DIS3L2: variants seen among roughly 807,000 people sequenced by gnomAD.
The protein encoded by DIS3L2 is DIS3 like 3'-5' exoribonuclease 2.
A neutral mutation model predicts 97.5 loss-of-function variants in DIS3L2; 34 were observed. That is an observed-to-expected ratio of 0.35 (90% CI 0.27 to 0.46). The LOEUF (loss-of-function observed/expected upper bound fraction) is 0.46, where lower values mean the gene tolerates loss of function less well. DIS3L2 is among the 20% of genes least tolerant of loss of function. The pLI is 1.00. For missense variants in DIS3L2, 1,038 were observed against 1,146.0 expected, an observed-to-expected ratio of 0.91 and a Z score of 1.36; for synonymous variants, 435 against 445.2, an observed-to-expected ratio of 0.98 and a Z score of 0.29.
intron 9 of DIS3L2, among the ~76,000 whole-genome samples, chr2:232,172,080 A>T (rs923416486): frequency 1.3e-5 from 2 of 152,186 alleles, no homozygotes; most frequent in Non-Finnish European, 2.9e-5. Flanking sequence ...TGTGGTATAG[A>T]TGGTCTAAGA....
At chr2:232,084,098 G>T (rs1696498743) in intron 5 of DIS3L2, among the ~76,000 whole-genome samples, 1 of 152,202 alleles carries the variant, frequency 6.6e-6, no homozygotes, top group Admixed American at 6.5e-5. Flanking sequence ...GAAATTGAAT[G>T]AATTTGTTGA....
chr2:232,296,250 A>C (rs1277804091), intron 13 of DIS3L2, among the ~76,000 whole-genome samples: 1 of 152,204 alleles, frequency 6.6e-6, no homozygotes. Flanking sequence ...TCTCCAGACC[A>C]TCACCAAGTC....
intron 14 of DIS3L2, among the ~76,000 whole-genome samples, chr2:232,305,026 A>G (rs559824562): frequency 3.3e-5 from 5 of 152,276 alleles, no homozygotes; most frequent in Admixed American, 6.5e-5. Context: ...GTAGCAGTTT[A>G]CTATCGGCTG....
chr2:232,056,190 G>T (rs981219980), intron 5 of DIS3L2, among the ~76,000 whole-genome samples: 1 of 152,064 alleles, frequency 6.6e-6, no homozygotes, highest in African/African-American at 2.4e-5. Flanking sequence ...GGCCAACATG[G>T]TGAAACCCCG....
At chr2:232,198,049 A>G (rs752225184) in intron 9 of DIS3L2, among the ~76,000 whole-genome samples, 1 of 151,828 alleles carries the variant, frequency 6.6e-6, no homozygotes, top group Non-Finnish European at 1.5e-5. Flanking sequence ...ACTTGGTCTA[A>G]TTGACTTGTT....
intron 9 of DIS3L2, among the ~76,000 whole-genome samples, chr2:232,207,241 G>A (rs1692051879): frequency 1.3e-5 from 2 of 152,236 alleles, no homozygotes; most frequent in South Asian, 4.1e-4. Flanking sequence ...CATTTGGTTA[G>A]ATTTTATGGG....
intron 13 of DIS3L2, among the ~76,000 whole-genome samples, chr2:232,267,640 T>C (rs1391273306): frequency 1.3e-5 from 2 of 152,242 alleles, no homozygotes; most frequent in Non-Finnish European, 1.5e-5. Context: ...TTTATAATCA[T>C]ATCCAAATCT....
In DIS3L2 at chr2:232,299,708, C is replaced by T. The variant is rs117937063; in HGVS notation, c.1660-332C>T. ...ATTGGTGTGATCATTTGATTGCTGT[C>T]AGTCTTCTCTGCTAGACGGTAAGAC... On this transcript the variant is annotated intron_variant, in intron 13 of 20. Transcript: ENST00000325385. 2.2e-4 allele frequency among the ~76,000 whole-genome samples: 33 copies of T among 152,362 alleles called. No individual in the cohort carries two copies. The East Asian group carries it at 6.0e-3, about 28-fold the overall frequency.
downstream of DIS3L2, among the ~76,000 whole-genome samples, chr2:232,340,131 CAA>C (rs1024814420): frequency 3.3e-5 from 5 of 152,198 alleles, no homozygotes; most frequent in African/African-American, 1.2e-4. Flanking sequence ...TCCAAGTCCA[CAA>C]AGAGGCAAGA....
At position 232,333,170 on chromosome 2, in the gene DIS3L2, G is replaced by A. The variant is rs1383400189; in HGVS notation, c.2011-670G>A. On this transcript the variant is annotated intron_variant, in intron 16 of 20. Coordinates refer to ENST00000325385, the MANE Select transcript of DIS3L2 (RefSeq NM_152383.5). ...CACCACCTCCTCCTTCTCCTCCTCC[G>A]CTGTCGCCTCCTCCTCCTCCTCCTC... is the stretch of plus-strand genomic sequence containing the variant. Among the ~76,000 whole-genome samples the A allele has an allele frequency of 7.1e-5, 5 of 70,632 alleles. No individual in the cohort carries two copies. The South Asian group carries it at 1.7e-3, about 24-fold the overall frequency. 46.3% of individuals were successfully genotyped at this position (70,632 alleles called of 152,430 possible).
downstream of DIS3L2, among the ~76,000 whole-genome samples, chr2:232,341,230 G>A (rs1350892849): frequency 3.9e-5 from 6 of 152,168 alleles, no homozygotes; most frequent in South Asian, 4.1e-4. Flanking sequence ...TTCAAGCTGC[G>A]GTGGGGCAAG....
At chr2:231,973,692 A>G (rs1335718842) in intron 1 of DIS3L2, among the ~76,000 whole-genome samples, 7 of 152,166 alleles carry the variant, frequency 4.6e-5, no homozygotes, top group Middle Eastern at 3.2e-3. Context: ...ACACCCAGCC[A>G]AAAGCTTTAA....
intron 14 of DIS3L2, among the ~76,000 whole-genome samples, chr2:232,301,858 T>TA (rs1309736231): frequency 3.4e-5 from 5 of 145,590 alleles, no homozygotes; most frequent in African/African-American, 1.1e-4. Flanking sequence ...TTTTTTTTTT[T>TA]AATAGAAACA....
intron 14 of DIS3L2, among the ~76,000 whole-genome samples, chr2:232,328,345 C>CCT (rs1329853139): frequency 1.3e-5 from 2 of 152,224 alleles, no homozygotes; most frequent in Admixed American, 6.5e-5. Context: ...TGGTGCCTGC[C>CCT]CTCCTGGGGC....
intron 5 of DIS3L2, among the ~76,000 whole-genome samples, chr2:232,061,715 G>GC (rs1250536340): frequency 6.6e-6 from 1 of 152,218 alleles, no homozygotes; most frequent in Non-Finnish European, 1.5e-5. Flanking sequence ...TGTGCAGAGA[G>GC]CCTACAGGGA....
intron 5 of DIS3L2, among the ~76,000 whole-genome samples, chr2:232,073,558 T>G (rs1574853598): frequency 6.6e-6 from 1 of 152,214 alleles, no homozygotes; most frequent in East Asian, 1.9e-4. Context: ...TTTATAAGAT[T>G]TAAAACAGCA....
Position 232,259,351 on chromosome 2 carries a change from G to A in DIS3L2, c.1426-3856G>A, listed in dbSNP as rs149921749. Among the ~76,000 whole-genome samples, 78 of 152,154 alleles carry A rather than the reference G, an allele frequency of 5.1e-4. 1 individual carries two copies. The East Asian group carries it at 0.015, about 29-fold the overall frequency. Reference sequence around the variant, plus strand: ...ACTGGTAGCCAATGCCAGCATAGGCGGTGAGCAGGCTTTGGTAAAGAGTGA... The same window carrying A: ...ACTGGTAGCCAATGCCAGCATAGGCAGTGAGCAGGCTTTGGTAAAGAGTGA... On this transcript the variant is annotated intron_variant, in intron 12 of 20. Transcript: ENST00000325385.
intron 1 of DIS3L2, among the ~76,000 whole-genome samples, chr2:232,001,693 C>A (rs891398603): frequency 6.9e-6 from 1 of 145,566 alleles, no homozygotes; most frequent in Non-Finnish European, 1.5e-5. Flanking sequence ...CAGTGTCAGG[C>A]CTTACATTTA....
intron 14 of DIS3L2, 28 bp from the exon 15 acceptor site, chr2:232,329,785 T>TACCGGGGGGGGGCC: frequency 1.0e-6 from 1 of 967,142 alleles, no homozygotes; most frequent in Non-Finnish European, 1.5e-6. Context: ...ACCCCAGCGG[T>TACCGGGGGGGGGCC]CCCTCCCATC....
Sources: allele counts gnomAD v4.1 joint callset (sites outside exome capture counted in the v4.1 genomes callset), GRCh38; gene constraint gnomAD v4.1.1; transcripts MANE v1.5; gene names NCBI Gene and HGNC (gene_info 2026-07-23, HGNC 2026-07-21).